Variants in UBR3 observed in about 807,000 individuals in gnomAD.
UBR3 encodes ubiquitin protein ligase E3 component n-recognin 3.
UBR3 carries 85 observed loss-of-function variants against 243.2 expected under a neutral mutation model. That is an observed-to-expected ratio of 0.35 (90% CI 0.29 to 0.42). The LOEUF (loss-of-function observed/expected upper bound fraction) is 0.42. UBR3 is among the 10% of genes least tolerant of loss of function. The pLI, the probability that UBR3 is intolerant of heterozygous loss-of-function variation, is 1.00. For synonymous variants in UBR3, 748 were observed against 799.8 expected (o/e 0.94, Z 1.09); for missense variants, 1,686 against 2,300.8 (o/e 0.73, Z 5.47).
Position 169,994,439 on chromosome 2 carries a change from C to T in UBR3, c.3901C>T (p.Gln1301Ter). ...TCATGATGTGAGGCTTTCATTATTACAGCGTTATTTTAAGGATGTAAGTAC... is the reference window on the plus strand; with the variant it reads ...TCATGATGTGAGGCTTTCATTATTATAGCGTTATTTTAAGGATGTAAGTAC... ...AVHDVRLSLL[Q>*]RYFKDSSCLL... The change falls in exon 26 of 39, where the codon CAG (glutamine) becomes TAG (stop). Residue 1301 changes from glutamine (Q) to a stop codon, truncating the protein, a stop_gained. Transcript: ENST00000272793. LOFTEE classifies it high-confidence loss of function. 1.9e-6 allele frequency: 3 copies of T among 1,614,016 alleles called. No homozygotes were observed. The highest frequency in any genetic ancestry group is 2.5e-6 in the Non-Finnish European group (3 of 1,179,928).
In UBR3 at chr2:169,882,653, A is replaced by T. The variant is rs140958681; in HGVS notation, c.1038+4079A>T. Among the ~76,000 whole-genome samples, 438 of 151,706 alleles carry T rather than the reference A, an allele frequency of 2.9e-3. 1 individual carries two copies. Among genetic ancestry groups the T allele is most frequent in the African/African-American group, 0.01 (415 of 41,382 alleles). On this transcript the variant is annotated intron_variant, in intron 5 of 38. Coordinates refer to ENST00000272793, the MANE Select transcript of UBR3 (RefSeq NM_172070.4). ...CTACTCAGGGCACTGAGACAGGAGAACCCCTTGAACCTGGAGGCAGAAGTT... is the reference window on the plus strand; with the variant it reads ...CTACTCAGGGCACTGAGACAGGAGATCCCCTTGAACCTGGAGGCAGAAGTT...
At position 169,906,152 on chromosome 2, in the gene UBR3, T is replaced by G; in HGVS notation, c.1767T>G (p.His589Gln). 1 of 1,541,826 alleles carries G rather than the reference T, an allele frequency of 6.5e-7. No homozygotes were observed. The highest frequency in any genetic ancestry group is 8.7e-7 in the Non-Finnish European group (1 of 1,144,460). ...AGCCAATGTGGGGGCTTTTATCACA[T>G]TGTAAAGTTAGGGTATGTTGGAAAT... ...CAQPMWGLLS[H>Q]CKVRETQEYT... Residue 589 changes from histidine (H) to glutamine (Q), a missense_variant, in exon 10 of 39, where the codon CAT (histidine) becomes CAG (glutamine). By Grantham distance (24) the His-to-Gln change is conservative (BLOSUM62 0). Around this residue, in one of 8 missense-constraint regions of UBR3, gnomAD observed 346 missense variants for 585.8 expected, o/e 0.59. Transcript: ENST00000272793.
intron 1 of UBR3, among the ~76,000 whole-genome samples, chr2:169,858,884 G>A (rs1238815367): frequency 6.6e-6 from 1 of 152,076 alleles, no homozygotes; most frequent in Non-Finnish European, 1.5e-5. Context: ...ACAGGTGTGA[G>A]GCATTGTGCC....
At chr2:169,929,822 G>C (rs545887083) in intron 18 of UBR3, among the ~76,000 whole-genome samples, 1 of 152,068 alleles carries the variant, frequency 6.6e-6, no homozygotes, top group South Asian at 2.1e-4. Flanking sequence ...TAGCAGTTAC[G>C]TGCTTCTTGA....
At chr2:169,921,961 A>G (rs1264707194) in intron 11 of UBR3, among the ~76,000 whole-genome samples, 1 of 152,134 alleles carries the variant, frequency 6.6e-6, no homozygotes, top group East Asian at 1.9e-4. Context: ...ACCGTACTCC[A>G]GTCTGGGGGA....
rs114617147 is a variant in UBR3, at chr2:170,011,488, G to C, written c.4367+2548G>C. ...GCACATTTATTTGTATTTAGTATTA[G>C]TAACGTGAGTGGAATACAACCCTCA... On this transcript the variant is annotated intron_variant, in intron 29 of 38. Coordinates refer to ENST00000272793, the MANE Select transcript of UBR3 (RefSeq NM_172070.4). 7.8e-3 allele frequency among the ~76,000 whole-genome samples: 1,188 copies of C among 152,090 alleles called. 13 individuals carry two copies. Among genetic ancestry groups the C allele is most frequent in the African/African-American group, 0.026 (1,074 of 41,522 alleles).
intron 32 of UBR3, among the ~76,000 whole-genome samples, chr2:170,047,309 T>G (rs1400079728): frequency 2.0e-5 from 3 of 152,142 alleles, no homozygotes; most frequent in African/African-American, 7.2e-5. Context: ...TGTGCTGGCC[T>G]AAGACCAAGG....
At chr2:169,931,488 G>A (rs904658239) in intron 18 of UBR3, among the ~76,000 whole-genome samples, 18 of 151,976 alleles carry the variant, frequency 1.2e-4, no homozygotes, top group Non-Finnish European at 2.6e-4. Context: ...TGAAACTAGG[G>A]ACAGTGGTTA....
intron 1 of UBR3, 129 bp downstream of exon 1, chr2:169,828,181 G>A: frequency 8.4e-7 from 1 of 1,186,910 alleles, no homozygotes; most frequent in Non-Finnish European, 1.1e-6. Context: ...GCAGCCACAG[G>A]GGGATGGAGG....
At position 169,828,068 on chromosome 2, in the gene UBR3, C is replaced by T; in HGVS notation, c.545+16C>T. The T allele has an allele frequency of 7.4e-7, 1 of 1,358,820 alleles. No individual in the cohort carries two copies. Among genetic ancestry groups the T allele is most frequent in the Non-Finnish European group, 9.5e-7 (1 of 1,053,360 alleles). The allele number at this position is 1,358,820 out of a possible 1,614,324, so 84.2% of individuals were successfully genotyped here. A position where few individuals can be genotyped will look rare whatever the true frequency, so the allele number is the denominator to read the frequency against. On this transcript the variant is annotated intron_variant, in intron 1 of 38. Coordinates refer to ENST00000272793, the MANE Select transcript of UBR3 (RefSeq NM_172070.4). ...GGGAGAGCGGGTGAGTGGAGCCCTC[C>T]CCGCGGGCGAGGCGACCCTGGGCCG...
At chr2:170,034,720 G>A (rs1272913841) in intron 31 of UBR3, among the ~76,000 whole-genome samples, 2 of 151,722 alleles carry the variant, frequency 1.3e-5, no homozygotes, top group Non-Finnish European at 2.9e-5. Context: ...TATAGTAATA[G>A]CATGTTTAGT....
At chr2:170,040,437 C>T (rs1476832981) in intron 31 of UBR3, among the ~76,000 whole-genome samples, 3 of 152,146 alleles carry the variant, frequency 2.0e-5, no homozygotes, top group Non-Finnish European at 4.4e-5. Context: ...TTAACCATAC[C>T]TTTTCAACAG....
At chr2:169,855,777 C>T (rs1438375584) in intron 1 of UBR3, among the ~76,000 whole-genome samples, 2 of 152,232 alleles carry the variant, frequency 1.3e-5, no homozygotes, top group African/African-American at 4.8e-5. Context: ...ACAATCCGAT[C>T]TCTCTTTCTT....
chr2:170,081,484 A>G (rs2091905350), intron 38 of UBR3, among the ~76,000 whole-genome samples: 1 of 152,032 alleles, frequency 6.6e-6, no homozygotes, highest in African/African-American at 2.4e-5. Flanking sequence ...TGGGTGACAG[A>G]GTGGGACTCC....
At chr2:170,006,482 C>T (rs1265127152) in intron 27 of UBR3, among the ~76,000 whole-genome samples, 1 of 152,182 alleles carries the variant, frequency 6.6e-6, no homozygotes, top group African/African-American at 2.4e-5. Context: ...AGCACTAACT[C>T]AGTTGTCCAA....
rs1307910917 is a variant in UBR3 at position 170,069,081 on chromosome 2, AC to A, written c.5020-4345del. 2.6e-5 allele frequency among the ~76,000 whole-genome samples: 4 copies of A among 152,274 alleles called. No homozygotes were observed. In the East Asian group the frequency reaches 7.7e-4, roughly 29 times the overall value. ...AAAGAAATTGTACCAATACTCCTGA[AC>A]CTATTTCAGAAAATAAAGGAAGAAG... On this transcript the variant is annotated intron_variant, in intron 35 of 38. Coordinates refer to ENST00000272793, the MANE Select transcript of UBR3 (RefSeq NM_172070.4).
At chr2:170,020,599 T>C (rs901058969) in intron 30 of UBR3, among the ~76,000 whole-genome samples, 2 of 152,188 alleles carry the variant, frequency 1.3e-5, no homozygotes, top group African/African-American at 2.4e-5. Flanking sequence ...AGCTCAAATC[T>C]GGAGCTTTTC....
At chr2:169,861,453 C>T (rs181991804) in intron 1 of UBR3, among the ~76,000 whole-genome samples, 275 of 152,054 alleles carry the variant, frequency 1.8e-3, no homozygotes, top group African/African-American at 6.3e-3. Context: ...ACTAAAATTA[C>T]AAAAATTAGC....
rs188917901 is a variant in UBR3, at chr2:170,033,907, C to T, written c.4556+4459C>T. 1.3e-5 allele frequency among the ~76,000 whole-genome samples: 2 copies of T among 151,626 alleles called. 1 individual carries two copies. Among genetic ancestry groups the T allele is most frequent in the East Asian group, 3.9e-4 (2 of 5,164 alleles). ...ACTCTTCCACCCATTTCCTCTTATCCATAGAATCAACAGTTGCATTAATTT... is the reference window on the plus strand; with the variant it reads ...ACTCTTCCACCCATTTCCTCTTATCTATAGAATCAACAGTTGCATTAATTT... On this transcript the variant is annotated intron_variant, in intron 31 of 38. Transcript: ENST00000272793.
Sources: allele counts gnomAD v4.1 joint callset (sites outside exome capture counted in the v4.1 genomes callset), GRCh38; gene constraint gnomAD v4.1.1; regional missense constraint gnomAD v4.1.1; transcripts MANE v1.5; gene names NCBI Gene and HGNC (gene_info 2026-07-23, HGNC 2026-07-21).